Variants in CFAP69 observed in about 807,000 individuals in gnomAD.
The protein encoded by CFAP69 is cilia and flagella associated protein 69, also known as cilia- and flagella-associated protein 69.
A neutral mutation model predicts 123.0 loss-of-function variants in CFAP69; 92 were observed. That is an observed-to-expected ratio of 0.75 (90% CI 0.63 to 0.89). The LOEUF (loss-of-function observed/expected upper bound fraction) is 0.89. CFAP69 is among the 40% of genes least tolerant of loss of function. The pLI is 0.00. For synonymous variants in CFAP69, 380 were observed against 364.3 expected (o/e 1.04, Z -0.49); for missense variants, 1,067 against 1,096.9 (o/e 0.97, Z 0.39).
At chr7:90,319,331 A>G in the CFAP69 span, 5 of 398,450 alleles carry the variant, frequency 1.3e-5, 1 homozygote, top group Non-Finnish European at 2.2e-5. Context: ...GTAAACTGCT[A>G]TTCTCTTAAA....
rs1369759543 is a variant in CFAP69, at chr7:90,245,478, G to A, written c.54G>A (p.Arg18=). 1.9e-6 allele frequency: 3 copies of A among 1,553,324 alleles called. No individual in the cohort carries two copies. Among genetic ancestry groups the A allele is most frequent in the African/African-American group, 1.4e-5 (1 of 70,204 alleles). ...CCGAGGCCCAGGAATCCGGCATCAG[G>A]AACAAGTCTAGCAGTTCCAGTCAAA... The part of the protein sequence containing the change: ...ATAEAQESGI[R]NKSSSSSQIP... The change falls in exon 1 of 23, where the codon AGG becomes AGA. Residue 18 remains arginine, a synonymous_variant. Coordinates refer to ENST00000389297, the MANE Select transcript of CFAP69 (RefSeq NM_001039706.3).
intron 15 of CFAP69, among the ~76,000 whole-genome samples, chr7:90,294,464 CAT>C (rs1276926824): frequency 1.3e-5 from 2 of 152,122 alleles, no homozygotes; most frequent in African/African-American, 2.4e-5. Context: ...ACATCACACA[CAT>C]AATACATTTA....
In CFAP69 at chr7:90,309,358, T is replaced by A; in HGVS notation, c.2646T>A (p.Leu882=). ...TTCACCAAACACATATTAAAGGCCT[T>A]AACACAACGGTAAGATTCTTTCTCC... The part of the protein sequence containing the change: ...AIFHQTHIKG[L]NTTVPSGGVV... Residue 882 remains leucine (L), a synonymous_variant, in exon 22 of 23, where the codon CTT becomes CTA. Transcript: ENST00000389297. 6.6e-7 allele frequency: 1 copy of A among 1,519,308 alleles called. No individual in the cohort carries two copies. Among genetic ancestry groups the A allele is most frequent in the Non-Finnish European group, 9.0e-7 (1 of 1,108,906 alleles). The allele number at this position is 1,519,308 out of a possible 1,614,324, so 94.1% of individuals were successfully genotyped here. A position where few individuals can be genotyped will look rare whatever the true frequency, so the allele number is the denominator to read the frequency against.
chr7:90,286,524 C>A (rs1267689966), intron 14 of CFAP69, 125 bp downstream of exon 14: 2 of 950,044 alleles, frequency 2.1e-6, no homozygotes, highest in Non-Finnish European at 3.1e-6. Context: ...ATAATTAGAG[C>A]ATAATTATAT....
rs1794208646 is a variant in CFAP69, at chr7:90,310,388, A to AT, written c.*155dup. 2.4e-6 allele frequency: 1 copy of AT among 413,936 alleles called. No individual in the cohort carries two copies. Among genetic ancestry groups the AT allele is most frequent in the African/African-American group, 2.1e-5 (1 of 48,390 alleles). 25.6% of individuals were successfully genotyped at this position (413,936 alleles called of 1,614,324 possible). The stretch of plus-strand genomic sequence containing the variant: ...ATAAAAATAAAAGGACATATAATTT[A>AT]TTTTTATGGAAAACATCAACATGTA... On this transcript the variant is annotated 3_prime_UTR_variant, in exon 23 of 23. Transcript: ENST00000389297.
the CFAP69 span, chr7:90,318,294 C>T: frequency 7.9e-5 from 12 of 152,072 alleles, no homozygotes; most frequent in Non-Finnish European, 1.5e-4. Flanking sequence ...TAAAAAATAA[C>T]TCAGCTAACA....
chr7:90,291,836 T>G (rs1791244982), intron 15 of CFAP69, among the ~76,000 whole-genome samples: 2 of 152,194 alleles, frequency 1.3e-5, no homozygotes, highest in African/African-American at 4.8e-5. Flanking sequence ...TGAAAATTAA[T>G]TATTGATTAA....
the CFAP69 span, chr7:90,319,524 C>G: frequency 6.3e-5 from 25 of 398,428 alleles, no homozygotes; most frequent in Non-Finnish European, 9.7e-5. Context: ...GCAAGAACAA[C>G]ATGAAATTCC....
In CFAP69 at chr7:90,303,972, C is replaced by CA. The variant is rs1275710203; in HGVS notation, c.2061dup (p.Pro688ThrfsTer5). 7.1e-6 allele frequency: 11 copies of CA among 1,547,520 alleles called. No homozygotes were observed. The highest frequency in any genetic ancestry group is 2.5e-5 in the East Asian group (1 of 40,760). ...TTTCATGCTATCCAATGATTAGATA[C>CA]AAAAAAACCTCTATTTACTAGCTTT... On this transcript the variant is annotated frameshift_variant, in exon 18 of 23. Transcript: ENST00000389297. LOFTEE classifies it high-confidence loss of function.
At chr7:90,283,631 C>T (rs1562889894) in intron 13 of CFAP69, among the ~76,000 whole-genome samples, 1 of 152,094 alleles carries the variant, frequency 6.6e-6, no homozygotes, top group Non-Finnish European at 1.5e-5. Flanking sequence ...AATAAGTACA[C>T]ATAAACTCAG....
In CFAP69 at chr7:90,282,971, A is replaced by G. The variant is rs1473235699; in HGVS notation, c.1452A>G (p.Leu484=). The G allele has an allele frequency of 6.2e-7, 1 of 1,602,326 alleles. No individual in the cohort carries two copies. The highest frequency in any genetic ancestry group is 8.5e-7 in the Non-Finnish European group (1 of 1,175,058). The change falls in exon 13 of 23, where the codon TTA becomes TTG. Residue 484 remains leucine (L), a synonymous_variant. Coordinates refer to ENST00000389297, the MANE Select transcript of CFAP69 (RefSeq NM_001039706.3). Reference sequence around the variant, plus strand: ...AGTTTGCCCAGATGCGTTACAGTTTAAGACTCCTGAGAGCCGTGGTCTACC... The same window carrying G: ...AGTTTGCCCAGATGCGTTACAGTTTGAGACTCCTGAGAGCCGTGGTCTACC... The part of the protein sequence containing the change: ...GNKFAQMRYS[L]RLLRAVVYLE...
At chr7:90,279,587 A>G (rs1417004050) in intron 11 of CFAP69, 90 bp from the exon 12 acceptor site, 1 of 746,540 alleles carries the variant, frequency 1.3e-6, no homozygotes, top group African/African-American at 1.8e-5. Context: ...ATAATCCCCA[A>G]TAAAACATCA....
rs1253538963 is a variant in CFAP69 at position 90,310,626 on chromosome 7, T to C, written c.*388T>C. 3 of 153,052 alleles carry C rather than the reference T, an allele frequency of 2.0e-5. No homozygotes were observed. Among genetic ancestry groups the C allele is most frequent in the Non-Finnish European group, 4.4e-5 (3 of 68,746 alleles). The allele number at this position is 153,052 out of a possible 1,614,324, so 9.5% of individuals were successfully genotyped here. A position where few individuals can be genotyped will look rare whatever the true frequency, so the allele number is the denominator to read the frequency against. The stretch of plus-strand genomic sequence containing the variant: ...CATTGCTGAATCTAAGGACTAAAAC[T>C]ATATGAGTAGGATCTTCTCCTTCCC... On this transcript the variant is annotated 3_prime_UTR_variant, in exon 23 of 23. Transcript: ENST00000389297.
chr7:90,259,419 A>G (rs1432000973), intron 3 of CFAP69, among the ~76,000 whole-genome samples: 1 of 152,186 alleles, frequency 6.6e-6, no homozygotes, highest in Admixed American at 6.5e-5. Flanking sequence ...AAAAACAAAC[A>G]AACAAACACT....
Position 90,282,787 on chromosome 7 carries a change from C to A in CFAP69, c.1373-105C>A. ...TAAAAAAAAACTAAAGCAAATATGA[C>A]AAAATTTTAACATTTGTTTAAACTT... is the stretch of plus-strand genomic sequence containing the variant. On this transcript the variant is annotated intron_variant, in intron 12 of 22. Transcript: ENST00000389297. The A allele has an allele frequency of 4.1e-6, 4 of 971,912 alleles. No individual in the cohort carries two copies. The South Asian group carries it at 1.3e-4, about 32-fold the overall frequency. The allele number at this position is 971,912 out of a possible 1,614,324, so 60.2% of individuals were successfully genotyped here. A position where few individuals can be genotyped will look rare whatever the true frequency, so the allele number is the denominator to read the frequency against.
chr7:90,278,872 C>T (rs1270335480), intron 11 of CFAP69, among the ~76,000 whole-genome samples: 3 of 152,072 alleles, frequency 2.0e-5, no homozygotes, highest in African/African-American at 7.2e-5. Flanking sequence ...CTAAATCTTG[C>T]ATTCTTTTCA....
chr7:90,300,593 C>A, intron 17 of CFAP69: 2 of 405,332 alleles, frequency 4.9e-6, no homozygotes, highest in Non-Finnish European at 6.7e-6. Flanking sequence ...CTTACAGTAT[C>A]ATAATTTTTA....
chr7:90,291,100 A>T (rs1791120673), intron 15 of CFAP69, among the ~76,000 whole-genome samples: 1 of 152,178 alleles, frequency 6.6e-6, no homozygotes, highest in Non-Finnish European at 1.5e-5. Flanking sequence ...GATCACACAC[A>T]GGAAAGAATT....
chr7:90,297,868 A>G, intron 16 of CFAP69, 38 bp downstream of exon 16: 1 of 1,399,978 alleles, frequency 7.1e-7, no homozygotes, highest in Non-Finnish European at 9.8e-7. Flanking sequence ...CAAAAGACAA[A>G]TATGTCTATT....
Sources: allele counts gnomAD v4.1 joint callset (sites outside exome capture counted in the v4.1 genomes callset), GRCh38; gene constraint gnomAD v4.1.1; transcripts MANE v1.5; gene names NCBI Gene and HGNC (gene_info 2026-07-23, HGNC 2026-07-21).